The following MCTP1 variants were observed in gnomAD, a reference collection of about 807,000 sequenced individuals.
MCTP1 encodes the protein multiple C2 and transmembrane domain containing 1.
In MCTP1, 69 loss-of-function variants were observed where a neutral mutation model predicts 120.6. That is an observed-to-expected ratio of 0.57 (90% confidence interval 0.47 to 0.70). The LOEUF (loss-of-function observed/expected upper bound fraction) is 0.70, where lower values mean the gene tolerates loss of function less well. Ranked by LOEUF, MCTP1 falls within the 30% of genes least tolerant of loss-of-function variation. MCTP1 has a pLI of 0.00. For synonymous variants in MCTP1, 529 were observed against 493.1 expected, an observed-to-expected ratio of 1.07 and a Z score of -0.96; for missense variants, 1,203 against 1,248.8, an observed-to-expected ratio of 0.96 and a Z score of 0.55.
At chr5:95,269,127 A>C (rs1759155859) in intron 1 of MCTP1, among the ~76,000 whole-genome samples, 1 of 152,212 alleles carries the variant, frequency 6.6e-6, no homozygotes, top group African/African-American at 2.4e-5. Flanking sequence ...AGATTAAATG[A>C]AGTAATGTCT....
intron 2 of MCTP1, among the ~76,000 whole-genome samples, chr5:94,994,035 G>A (rs1315503740): frequency 6.6e-6 from 1 of 152,134 alleles, no homozygotes; most frequent in Non-Finnish European, 1.5e-5. Flanking sequence ...ACAAGAACAC[G>A]CAAGATTCTG....
At chr5:94,739,503 C>T (rs983314875) in intron 19 of MCTP1, 5 of 152,078 alleles carry the variant, frequency 3.3e-5, no homozygotes, top group African/African-American at 1.2e-4. Flanking sequence ...GCATGGCATT[C>T]GAATAAGAAG....
At chr5:94,758,048 T>A (rs1770362544) in intron 19 of MCTP1, among the ~76,000 whole-genome samples, 1 of 151,782 alleles carries the variant, frequency 6.6e-6, no homozygotes. Flanking sequence ...AAAAATGAGA[T>A]CCAACAAAAG....
intron 17 of MCTP1, among the ~76,000 whole-genome samples, chr5:94,845,851 G>A (rs1561737565): frequency 6.6e-6 from 1 of 152,044 alleles, no homozygotes; most frequent in Non-Finnish European, 1.5e-5. Flanking sequence ...ACACCCAGCT[G>A]CAAACAGACA....
At chr5:94,949,313 G>A (rs1236114189) in intron 3 of MCTP1, among the ~76,000 whole-genome samples, 1 of 152,048 alleles carries the variant, frequency 6.6e-6, no homozygotes, top group Admixed American at 6.6e-5. Context: ...GGTGTGTGCT[G>A]GAGCATCACT....
chr5:94,896,325 T>C (rs1803980121), intron 10 of MCTP1, among the ~76,000 whole-genome samples: 1 of 152,198 alleles, frequency 6.6e-6, no homozygotes, highest in South Asian at 2.1e-4. Context: ...ATAGGGAGTA[T>C]AATACTAGAG....
chr5:95,189,370 A>G (rs1749582995), intron 1 of MCTP1, among the ~76,000 whole-genome samples: 1 of 152,208 alleles, frequency 6.6e-6, no homozygotes, highest in Non-Finnish European at 1.5e-5. Flanking sequence ...GGTGGTGGTT[A>G]CATACGACAC....
At chr5:95,257,767 A>G (rs1267343066) in intron 1 of MCTP1, among the ~76,000 whole-genome samples, 7 of 111,086 alleles carry the variant, frequency 6.3e-5, no homozygotes, top group Admixed American at 3.0e-4. Flanking sequence ...ATGGGACCGT[A>G]AAGAAGGAAG....
At chr5:94,724,182 A>G (rs910582529) in intron 19 of MCTP1, among the ~76,000 whole-genome samples, 1 of 152,216 alleles carries the variant, frequency 6.6e-6, no homozygotes, top group African/African-American at 2.4e-5. Context: ...TACAGCAAGC[A>G]TCCAGCAATA....
At chr5:95,043,723 G>A (rs558403282) in intron 1 of MCTP1, among the ~76,000 whole-genome samples, 1 of 152,050 alleles carries the variant, frequency 6.6e-6, no homozygotes, top group East Asian at 1.9e-4. Flanking sequence ...TGTATTTCCC[G>A]TGAACTGCCT....
chr5:95,134,642 T>C (rs185705020), intron 1 of MCTP1, among the ~76,000 whole-genome samples: 157 of 152,258 alleles, frequency 1.0e-3, no homozygotes, highest in African/African-American at 3.5e-3. Context: ...GCACAAAAGC[T>C]GGGTTCCAAA....
At chr5:95,241,051 G>A (rs1756111013) in intron 1 of MCTP1, among the ~76,000 whole-genome samples, 3 of 151,802 alleles carry the variant, frequency 2.0e-5, no homozygotes, top group African/African-American at 7.3e-5. Flanking sequence ...AATTTTGGGG[G>A]GTACTTTGTT....
intron 2 of MCTP1, among the ~76,000 whole-genome samples, chr5:94,980,627 G>C (rs1418265949): frequency 6.6e-6 from 1 of 152,012 alleles, no homozygotes; most frequent in African/African-American, 2.4e-5. Context: ...GAAATGGCTA[G>C]TCCTTATTTC....
Position 94,901,006 on chromosome 5 carries a change from T to C in MCTP1, c.1653-6171A>G, listed in dbSNP as rs577138429. 1.1e-4 allele frequency among the ~76,000 whole-genome samples: 17 copies of C among 152,338 alleles called. No homozygotes were observed. The East Asian group carries it at 2.9e-3, about 26-fold the overall frequency. The stretch of plus-strand genomic sequence containing the variant: ...ATCTGCATCAAATTCAACTCATCAA[T>C]TAATGAATCAACAGAATAACAAGAA... On this transcript the variant is annotated intron_variant, in intron 10 of 22. Coordinates refer to ENST00000515393, the MANE Select transcript of MCTP1 (RefSeq NM_024717.7).
chr5:95,215,123 T>C (rs1409873973), intron 1 of MCTP1, among the ~76,000 whole-genome samples: 1 of 152,218 alleles, frequency 6.6e-6, no homozygotes, highest in Non-Finnish European at 1.5e-5. Flanking sequence ...ATCACGTCCA[T>C]CTTGGAGCTT....
chr5:94,767,504 TA>T (rs1334995130), intron 19 of MCTP1, among the ~76,000 whole-genome samples: 1 of 152,106 alleles, frequency 6.6e-6, no homozygotes, highest in Non-Finnish European at 1.5e-5. Context: ...ATCTTATATA[TA>T]GAAAAACCTA....
chr5:94,996,490 T>A (rs962726208), intron 2 of MCTP1, among the ~76,000 whole-genome samples: 2 of 152,182 alleles, frequency 1.3e-5, no homozygotes, highest in African/African-American at 4.8e-5. Flanking sequence ...AATACATGGA[T>A]GCCCAAGTCC....
At chr5:94,899,979 C>G (rs1411318484) in intron 10 of MCTP1, among the ~76,000 whole-genome samples, 1 of 152,188 alleles carries the variant, frequency 6.6e-6, no homozygotes, top group Admixed American at 6.5e-5. Context: ...CAGTCCAACC[C>G]TCTCTGTATG....
chr5:95,259,645 G>A (rs773200334), intron 1 of MCTP1, among the ~76,000 whole-genome samples: 5 of 152,054 alleles, frequency 3.3e-5, no homozygotes, highest in African/African-American at 9.7e-5. Context: ...CAGATCCTAC[G>A]AGTGGCAATA....
Sources: allele counts gnomAD v4.1 joint callset (sites outside exome capture counted in the v4.1 genomes callset), GRCh38; gene constraint gnomAD v4.1.1; transcripts MANE v1.5; gene names NCBI Gene and HGNC (gene_info 2026-07-23, HGNC 2026-07-21).